Variants in MYH1 observed in about 807,000 individuals in gnomAD.
MYH1 encodes myosin-1.
A neutral mutation model predicts 225.6 loss-of-function variants in MYH1; 214 were observed. The observed-to-expected ratio is 0.95, with a 90% CI of 0.85 to 1.06. The LOEUF (loss-of-function observed/expected upper bound fraction) is 1.06, where lower values mean the gene tolerates loss of function less well. MYH1 is among the 50% of genes least tolerant of loss of function. The probability of loss-of-function intolerance (pLI) is 0.00; values close to 1 mark genes in which losing one functional copy is unlikely to be tolerated. For missense variants in MYH1, 2,098 were observed against 2,344.2 expected (o/e 0.89, Z 2.17); for synonymous variants, 774 against 842.3 (o/e 0.92, Z 1.40).
chr17:10,498,971 T>C lies in MYH1; in HGVS notation c.3984+3A>G. The C allele has an allele frequency of 6.2e-7, 1 of 1,608,468 alleles. No homozygotes were observed. Among genetic ancestry groups the C allele is most frequent in the Non-Finnish European group, 8.5e-7 (1 of 1,175,364 alleles). ...AATGACAAGAATGACAAGTGGAGCT[T>C]ACCTTTATCTCCTCTTCAAGTTGCC... On this transcript the variant is annotated splice_donor_region_variant and intron_variant, in intron 29 of 39. Coordinates refer to ENST00000226207, the MANE Select transcript of MYH1 (RefSeq NM_005963.4).
At chr17:10,510,542 A>G (rs993408546) in intron 14 of MYH1, among the ~76,000 whole-genome samples, 3 of 152,220 alleles carry the variant, frequency 2.0e-5, no homozygotes, top group African/African-American at 7.2e-5. Flanking sequence ...GAACTTGAGT[A>G]GACCTGCCCT....
At chr17:10,515,851 G>T in intron 5 of MYH1, 75 bp downstream of exon 5, 1 of 1,608,128 alleles carries the variant, frequency 6.2e-7, no homozygotes, top group Non-Finnish European at 8.5e-7. Context: ...TTTTCTAAAG[G>T]TCTTTTTTTA....
At position 10,492,498 on chromosome 17, in the gene MYH1, C is replaced by G. The variant is rs200090517; in HGVS notation, c.5738G>C (p.Arg1913Pro). The G allele has an allele frequency of 6.2e-7, 1 of 1,614,162 alleles. No homozygotes were observed. Among genetic ancestry groups the G allele is most frequent in the South Asian group, 1.1e-5 (1 of 91,072 alleles). ...IQHELEEAEE[R>P]ADIAESQVNK... ...GACCTGGGACTCAGCAATGTCAGCC[C>G]GTTCCTCGGCCTCCTCCAGCTCGTG... Residue 1913 changes from arginine to proline, a missense_variant, in exon 40 of 40, where the codon CGG becomes CCG. Physicochemically the swap from Arg to Pro is moderately radical, Grantham distance 103. Coordinates refer to ENST00000226207, the MANE Select transcript of MYH1 (RefSeq NM_005963.4).
At chr17:10,502,100 C>T (rs984254083) in intron 24 of MYH1, among the ~76,000 whole-genome samples, 189 bp from the exon 25 acceptor site, 4 of 152,140 alleles carry the variant, frequency 2.6e-5, no homozygotes, top group African/African-American at 2.4e-5. Context: ...TAAAATGTGC[C>T]TCTTTGTCAC....
In MYH1 at chr17:10,501,126, G is replaced by C. The variant is rs1172351973; in HGVS notation, c.3722C>G (p.Thr1241Ser). 1.2e-6 allele frequency: 2 copies of C among 1,614,014 alleles called. No individual in the cohort carries two copies. The highest frequency in any genetic ancestry group is 1.1e-5 in the South Asian group (1 of 91,078). The change falls in exon 27 of 40, where the codon ACT (threonine) becomes AGT (serine). Residue 1241 changes from threonine (T) to serine (S), a missense_variant. Coordinates refer to ENST00000226207, the MANE Select transcript of MYH1 (RefSeq NM_005963.4). ...EIDDLASNME[T>S]VSKAKGNLEK... ...TGATTGTACCTTGGCTTTGGAGACAGTCTCCATGTTACTAGCAAGGTCATC... is the reference window on the plus strand; with the variant it reads ...TGATTGTACCTTGGCTTTGGAGACACTCTCCATGTTACTAGCAAGGTCATC...
At chr17:10,513,456 G>A (rs373225142) in intron 9 of MYH1, among the ~76,000 whole-genome samples, 170 bp downstream of exon 9, 9 of 152,282 alleles carry the variant, frequency 5.9e-5, no homozygotes, top group African/African-American at 1.9e-4. Flanking sequence ...CCTCATGACT[G>A]GAGTGGGTAA....
intron 4 of MYH1, 33 bp downstream of exon 4, chr17:10,516,166 C>G (rs1020124423): frequency 1.9e-6 from 3 of 1,613,976 alleles, no homozygotes; most frequent in Non-Finnish European, 2.5e-6. Context: ...ATTAACTACT[C>G]TCATGAGTAG....
At position 10,509,565 on chromosome 17, in the gene MYH1, C is replaced by A. The variant is rs2073151792; in HGVS notation, c.1507G>T (p.Glu503Ter). The A allele has an allele frequency of 6.2e-7, 1 of 1,614,210 alleles. No individual in the cohort carries two copies. Residue 503 changes from glutamate to a stop codon, truncating the protein, a stop_gained, in exon 15 of 40, where the codon GAG becomes TAG. Transcript: ENST00000226207. LOFTEE classifies it high-confidence loss of function. ...NHHMFVLEQE[E>*]YKKEGIEWTF... Reference sequence around the variant, plus strand: ...CACTCAATGCCTTCCTTCTTGTACTCCTCCTGCTCCAGCACGAACATGTGG... The same window carrying A: ...CACTCAATGCCTTCCTTCTTGTACTACTCCTGCTCCAGCACGAACATGTGG...
Position 10,497,387 on chromosome 17 carries a change from T to G in MYH1, c.4431A>C (p.Glu1477Asp), listed in dbSNP as rs1158637321. 1.2e-6 allele frequency: 2 copies of G among 1,613,802 alleles called. No individual in the cohort carries two copies. The highest frequency in any genetic ancestry group is 8.5e-7 in the Non-Finnish European group (1 of 1,179,954). ...THAELEASQK[E>D]SRSLSTELFK... ...ATAGTTCTGTGCTGAGTGAGCGGGA[T>G]TCCTTTTGAGAAGCTTCAAGTTCAG... The change falls in exon 32 of 40, where the codon GAA (glutamate) becomes GAC (aspartate). Residue 1477 changes from glutamate (E) to aspartate (D), a missense_variant. By Grantham distance (45) the Glu-to-Asp change is conservative. Transcript: ENST00000226207.
rs150654605 is a variant in MYH1, at chr17:10,509,499, C to T, written c.1573G>A (p.Glu525Lys). ...AGCAAGCCAACCTTCTCGATGAGCT[C>T]GATGCAGGCAGCCAGGTCCATCCCA... ...DFGMDLAACI[E>K]LIEKPMGIFS... The change falls in exon 15 of 40, where the codon GAG becomes AAG. Residue 525 changes from glutamate (E) to lysine (K), a missense_variant. By Grantham distance (56) the Glu-to-Lys change is moderately conservative. Transcript: ENST00000226207. The T allele has an allele frequency of 1.1e-5, 18 of 1,613,952 alleles. No homozygotes were observed. Among genetic ancestry groups the T allele is most frequent in the Non-Finnish European group, 1.3e-5 (15 of 1,180,036 alleles).
intron 39 of MYH1, 149 bp downstream of exon 39, chr17:10,494,205 T>G (rs1597433196): frequency 9.5e-6 from 6 of 632,454 alleles, no homozygotes; most frequent in Admixed American, 3.4e-5. Flanking sequence ...GCTTGTCAGG[T>G]GGTTGGTTTT....
intron 30 of MYH1, 113 bp from the exon 31 acceptor site, chr17:10,498,030 G>T: frequency 9.2e-7 from 1 of 1,086,274 alleles, no homozygotes; most frequent in Non-Finnish European, 1.3e-6. Context: ...TGCTTCTCAA[G>T]CTTGTTTTGT....
intron 30 of MYH1, 128 bp downstream of exon 30, chr17:10,498,498 G>T: frequency 1.6e-6 from 2 of 1,288,184 alleles, no homozygotes; most frequent in East Asian, 2.4e-5. Flanking sequence ...CTCTTCTAAG[G>T]CATCTACCAA....
At chr17:10,511,020 G>A (rs993362146) in intron 14 of MYH1, among the ~76,000 whole-genome samples, 1 of 150,878 alleles carries the variant, frequency 6.6e-6, no homozygotes, top group Non-Finnish European at 1.5e-5. Context: ...TTTAAAAAGT[G>A]TGGATTGCTT....
rs147514282 is a variant in MYH1, at chr17:10,504,179, G to A, written c.2691+631C>T. On this transcript the variant is annotated intron_variant, in intron 22 of 39. Coordinates refer to ENST00000226207, the MANE Select transcript of MYH1 (RefSeq NM_005963.4). Reference sequence around the variant, plus strand: ...GTGTTACAAAAATGGGTTAGATAGTGGCTTTTGATCAAATATTTCTCTCCA... The same window carrying A: ...GTGTTACAAAAATGGGTTAGATAGTAGCTTTTGATCAAATATTTCTCTCCA... Among the ~76,000 whole-genome samples the A allele has an allele frequency of 3.9e-5, 6 of 152,264 alleles. 1 individual carries two copies. The highest frequency in any genetic ancestry group is 1.4e-4 in the African/African-American group (6 of 41,560).
At position 10,498,755 on chromosome 17, in the gene MYH1, T is replaced by C. The variant is rs764268905; in HGVS notation, c.4052A>G (p.Tyr1351Cys). 4 of 1,614,092 alleles carry C rather than the reference T, an allele frequency of 2.5e-6. No individual in the cohort carries two copies. The highest frequency in any genetic ancestry group is 1.1e-5 in the South Asian group (1 of 91,086). ...RHDCDLLREQ[Y>C]EEEQEAKAEL... ...GGCCTTGGCTTCCTGCTCCTCCTCA[T>C]ACTGTTCCCGCAGCAGGTCACAGTC... is the stretch of plus-strand genomic sequence containing the variant. The change falls in exon 30 of 40, where the codon TAT becomes TGT. Residue 1351 changes from tyrosine to cysteine, a missense_variant. Transcript: ENST00000226207.
chr17:10,493,600 T>C (rs1438352301), intron 39 of MYH1, among the ~76,000 whole-genome samples: 1 of 152,216 alleles, frequency 6.6e-6, no homozygotes, highest in Non-Finnish European at 1.5e-5. Context: ...AACTATTTAC[T>C]TGACATGTTC....
Position 10,494,408 on chromosome 17 carries a change from C to A in MYH1, c.5613G>T (p.Leu1871=). 6.2e-7 allele frequency: 1 copy of A among 1,614,188 alleles called. No individual in the cohort carries two copies. The highest frequency in any genetic ancestry group is 2.2e-5 in the East Asian group (1 of 44,870). The change falls in exon 39 of 40, where the codon CTG becomes CTT. Residue 1871 remains leucine (L), a synonymous_variant. Transcript: ENST00000226207. The part of the protein sequence containing the change: ...DRKNILRLQD[L]VDKLQAKVKS... The stretch of plus-strand genomic sequence containing the variant: ...TCACCTTTGCTTGCAGTTTGTCCAC[C>A]AGGTCCTGGAGCCTGAGAATATTCT...
rs1326203182 is a variant in MYH1, at chr17:10,499,068, T to G, written c.3890A>C (p.Glu1297Ala). 2.1e-5 allele frequency: 34 copies of G among 1,613,874 alleles called. No homozygotes were observed. The highest frequency in any genetic ancestry group is 2.9e-5 in the Non-Finnish European group (34 of 1,179,894). ...GAGCTGTGAAACTAGTGTGTCCTTT[T>G]CATCTAGCTGGCGTGAATATTCACC... ...ESGEYSRQLD[E>A]KDTLVSQLSR... Residue 1297 changes from glutamate (E) to alanine (A), a missense_variant, in exon 29 of 40, where the codon GAA becomes GCA. Physicochemically the swap from Glu to Ala is moderately radical, Grantham distance 107 (BLOSUM62 -1). Transcript: ENST00000226207.
Sources: allele counts gnomAD v4.1 joint callset (sites outside exome capture counted in the v4.1 genomes callset), GRCh38; gene constraint gnomAD v4.1.1; transcripts MANE v1.5; gene names NCBI Gene and HGNC (gene_info 2026-07-23, HGNC 2026-07-21).